Variants in TRIM14 observed in about 807,000 individuals in gnomAD.
TRIM14 encodes tripartite motif containing 14.
Under a neutral mutation model 44.5 loss-of-function variants are expected in TRIM14, and 28 were observed. That is an observed-to-expected ratio of 0.63 (90% CI 0.47 to 0.86). TRIM14 has a LOEUF of 0.86. TRIM14 is among the 40% of genes least tolerant of loss of function. The pLI, the probability that TRIM14 is intolerant of heterozygous loss-of-function variation, is 0.00. For missense variants in TRIM14, 607 were observed against 611.1 expected (o/e 0.99, Z 0.07); for synonymous variants, 299 against 269.2 (o/e 1.11, Z -1.08).
intron 3 of TRIM14, among the ~76,000 whole-genome samples, chr9:98,098,013 G>A (rs1826246540): frequency 6.6e-6 from 1 of 152,182 alleles, no homozygotes; most frequent in Non-Finnish European, 1.5e-5. Context: ...AGACACAAGA[G>A]TGGAAATCCC....
the TRIM14 span, among the ~76,000 whole-genome samples, chr9:98,040,010 A>G: frequency 1.3e-5 from 2 of 152,226 alleles, no homozygotes; most frequent in African/African-American, 2.4e-5. Flanking sequence ...TGTCTGGCTA[A>G]CTTTTTTAGT....
At chr9:98,043,827 T>G in the TRIM14 span, among the ~76,000 whole-genome samples, 94 of 151,934 alleles carry the variant, frequency 6.2e-4, no homozygotes, top group African/African-American at 2.2e-3. Flanking sequence ...GAAAGAGAAC[T>G]TAGAAATTCT....
the TRIM14 span, among the ~76,000 whole-genome samples, chr9:98,057,661 C>G: frequency 6.6e-6 from 1 of 152,060 alleles, no homozygotes; most frequent in Non-Finnish European, 1.5e-5. Flanking sequence ...AATGCGTGCT[C>G]CCTCTTCTGT....
chr9:98,056,923 A>C, the TRIM14 span: 1 of 1,604,162 alleles, frequency 6.2e-7, no homozygotes, highest in Non-Finnish European at 8.5e-7. Context: ...AGCCAAGCGC[A>C]TGATCCGCAT....
At chr9:98,080,225 A>T (rs1829792846), downstream of TRIM14, among the ~76,000 whole-genome samples, 1 of 152,232 alleles carries the variant, frequency 6.6e-6, no homozygotes, top group Non-Finnish European at 1.5e-5. Flanking sequence ...AAAAGAAATA[A>T]TAAATAACAA....
chr9:98,056,015 C>A, the TRIM14 span, among the ~76,000 whole-genome samples: 1 of 152,106 alleles, frequency 6.6e-6, no homozygotes, highest in Non-Finnish European at 1.5e-5. Context: ...GCTGGGATTA[C>A]AGGTGTGAGC....
intron 2 of TRIM14, among the ~76,000 whole-genome samples, chr9:98,102,375 C>T (rs772403421): frequency 6.6e-6 from 1 of 152,216 alleles, no homozygotes; most frequent in Non-Finnish European, 1.5e-5. Context: ...TTTTATTCCC[C>T]TGTGCACCAG....
chr9:98,110,572 A>T (rs925903556), intron 1 of TRIM14, among the ~76,000 whole-genome samples: 10 of 151,996 alleles, frequency 6.6e-5, no homozygotes, highest in Non-Finnish European at 1.5e-4. Context: ...AGCCTTTCTT[A>T]CAGCTGGCCT....
chr9:98,112,943 G>C (rs1372570267), intron 1 of TRIM14, among the ~76,000 whole-genome samples: 3 of 151,270 alleles, frequency 2.0e-5, no homozygotes, highest in Admixed American at 6.6e-5. Context: ...GTGAAACCCC[G>C]TCTCTACTAA....
the TRIM14 span, among the ~76,000 whole-genome samples, chr9:98,046,618 C>T: frequency 2.0e-5 from 3 of 151,904 alleles, no homozygotes; most frequent in Non-Finnish European, 4.4e-5. Flanking sequence ...ATTTTGCATT[C>T]TTATTAGAGA....
At chr9:98,065,619 G>A (rs796584765), downstream of TRIM14, among the ~76,000 whole-genome samples, 2 of 150,538 alleles carry the variant, frequency 1.3e-5, no homozygotes, top group Non-Finnish European at 2.9e-5. Context: ...GATTACAGGC[G>A]TAAGCCTCTG....
In TRIM14 at chr9:98,095,054, G is replaced by A. The variant is rs772013413; in HGVS notation, c.538-25C>T. 1 of 1,601,986 alleles carries A rather than the reference G, an allele frequency of 6.2e-7. No individual in the cohort carries two copies. Among genetic ancestry groups the A allele is most frequent in the African/African-American group, 1.3e-5 (1 of 74,732 alleles). ...CCTGTGTGGGCACACGGGGGTGAGGGTGGCTCTGGGAGATGCAGGCAGCAT... is the reference window on the plus strand; with the variant it reads ...CCTGTGTGGGCACACGGGGGTGAGGATGGCTCTGGGAGATGCAGGCAGCAT... On this transcript the variant is annotated intron_variant, in intron 3 of 5. Transcript: ENST00000341469. This position sits in a 1 kb window ranked among gnomAD's most constrained non-coding sequence, Gnocchi z 4.1.
rs538972417 is a variant in TRIM14 at position 98,070,715 on chromosome 9, TG to T, written c.*29-1029del. ...GATTACAGGCATGAGCCATCGCGCC[TG>T]GTCACAATTTTAATTTTTAATTCAG... On this transcript the variant is annotated intron_variant, in intron 6 of 6. Coordinates refer to the TRIM14 transcript ENST00000375098. Among the ~76,000 whole-genome samples the T allele has an allele frequency of 6.7e-3, 1,026 of 152,116 alleles. 4 individuals are homozygous for T. Among genetic ancestry groups the T allele is most frequent in the Non-Finnish European group, 0.011 (755 of 68,010 alleles).
chr9:98,082,858 G>T, downstream of TRIM14: 1 of 1,614,156 alleles, frequency 6.2e-7, no homozygotes, highest in Non-Finnish European at 8.5e-7. Context: ...GGGCAAGTCT[G>T]TGGTGGCCAA....
At chr9:98,092,201 G>C (rs553054752) in intron 4 of TRIM14, among the ~76,000 whole-genome samples, 200 bp from the exon 5 acceptor site, 1 of 152,280 alleles carries the variant, frequency 6.6e-6, no homozygotes, top group African/African-American at 2.4e-5. Flanking sequence ...ATAGGAGGAG[G>C]AGCTGAGGCG....
At chr9:98,088,781 T>C (rs1825892775) in intron 5 of TRIM14, among the ~76,000 whole-genome samples, 1 of 152,198 alleles carries the variant, frequency 6.6e-6, no homozygotes, top group African/African-American at 2.4e-5. Flanking sequence ...AAAACAGGAA[T>C]TGCTGGGTCA....
downstream of TRIM14, among the ~76,000 whole-genome samples, chr9:98,084,082 G>A (rs545831558): frequency 6.6e-6 from 1 of 150,784 alleles, no homozygotes; most frequent in Non-Finnish European, 1.5e-5. Flanking sequence ...AACATGAACT[G>A]GAGGGAGCTG....
intron 1 of TRIM14, among the ~76,000 whole-genome samples, chr9:98,110,646 T>C (rs1826812192): frequency 6.6e-6 from 1 of 152,036 alleles, no homozygotes; most frequent in Non-Finnish European, 1.5e-5. Flanking sequence ...GAGGGCAGGC[T>C]CGCTTCGTTC....
rs1826153205 is a variant in TRIM14 at position 98,095,487 on chromosome 9, C to G, written c.538-458G>C. On this transcript the variant is annotated intron_variant, in intron 3 of 5. Transcript: ENST00000341469. The surrounding 1 kb of genome is among the most constrained non-coding windows in gnomAD (Gnocchi z 4.1). ...ACCTGGAGCTTATTCAAAGGTGGAG[C>G]AGGAAACCATGTTCTAAGAAGGACG... 6.6e-6 allele frequency among the ~76,000 whole-genome samples: 1 copy of G among 152,182 alleles called. No individual in the cohort carries two copies. Among genetic ancestry groups the G allele is most frequent in the Non-Finnish European group, 1.5e-5 (1 of 68,032 alleles).
Sources: gnomAD v4.1 joint callset for allele counts (sites outside exome capture counted in the v4.1 genomes callset) on GRCh38, gnomAD v4.1.1 for gene constraint, Gnocchi (gnomAD v3.1) non-coding constraint, MANE v1.5 for transcripts, NCBI Gene and HGNC (gene_info 2026-07-23, HGNC 2026-07-21) for gene names.